The following UTRN variants were observed in gnomAD, a reference collection of about 807,000 sequenced individuals.
UTRN encodes dystrophin-related protein 1.
In UTRN, 283 loss-of-function variants were observed where a neutral mutation model predicts 463.9. The ratio of observed to expected loss-of-function variants is 0.61; its 90% CI spans 0.55 to 0.67. The LOEUF (loss-of-function observed/expected upper bound fraction) is 0.67, where lower values mean the gene tolerates loss of function less well. Among genes scored for constraint, UTRN ranks in the 30% least tolerant of loss-of-function variants. The pLI, the probability that UTRN is intolerant of heterozygous loss-of-function variation, is 0.00. For synonymous variants in UTRN, 1,442 were observed against 1,431.5 expected (o/e 1.01, Z -0.17); for missense variants, 3,922 against 4,084.3 (o/e 0.96, Z 1.08).
At chr6:144,670,891 G>A (rs1218731834) in intron 51 of UTRN, among the ~76,000 whole-genome samples, 1 of 152,014 alleles carries the variant, frequency 6.6e-6, no homozygotes, top group East Asian at 1.9e-4. Context: ...GTTGAATAGA[G>A]TAACTTTCCC....
Position 144,851,085 on chromosome 6 carries a change from C to A in UTRN, c.*88C>A. 1 of 1,561,700 alleles carries A rather than the reference C, an allele frequency of 6.4e-7. No individual in the cohort carries two copies. Among genetic ancestry groups the A allele is most frequent in the Non-Finnish European group, 8.8e-7 (1 of 1,132,562 alleles). On this transcript the variant is annotated 3_prime_UTR_variant, in exon 75 of 75. Transcript: ENST00000367545. ...ATTCCAAGTTCCATTAAATCAGAAG[C>A]TCCATGGCTCCTTGGCCCACGATGT...
intron 69 of UTRN, among the ~76,000 whole-genome samples, chr6:144,830,857 T>A (rs558023549): frequency 6.6e-6 from 1 of 152,318 alleles, no homozygotes; most frequent in Non-Finnish European, 1.5e-5. Flanking sequence ...CCTGATTCAT[T>A]ATCTCTGTCA....
chr6:144,552,277 G>A (rs769882038), intron 48 of UTRN, among the ~76,000 whole-genome samples: 2 of 152,190 alleles, frequency 1.3e-5, no homozygotes, highest in Non-Finnish European at 2.9e-5. Flanking sequence ...AACTTTTAAT[G>A]TCTAACAGTG....
chr6:144,444,232 ACTCT>A, intron 13 of UTRN, 45 bp from the exon 14 acceptor site: 1 of 1,407,130 alleles, frequency 7.1e-7, no homozygotes, highest in Non-Finnish European at 9.8e-7. Flanking sequence ...GATTGTGATA[ACTCT>A]CTCTTAAGGC....
chr6:144,546,582 C>T (rs1585209883), intron 46 of UTRN, among the ~76,000 whole-genome samples: 1 of 152,248 alleles, frequency 6.6e-6, no homozygotes, highest in East Asian at 1.9e-4. Flanking sequence ...AGGAGGATCA[C>T]TTGAGCCCAG....
At chr6:144,408,313 G>A (rs1475751836) in intron 3 of UTRN, among the ~76,000 whole-genome samples, 1 of 152,166 alleles carries the variant, frequency 6.6e-6, no homozygotes, top group African/African-American at 2.4e-5. Context: ...CTTGTTAGCC[G>A]GCCGGTCTCC....
chr6:144,400,465 G>A (rs1782843778), intron 2 of UTRN, among the ~76,000 whole-genome samples: 1 of 152,086 alleles, frequency 6.6e-6, no homozygotes, highest in African/African-American at 2.4e-5. Flanking sequence ...CGAGATCTGG[G>A]CCAAGATTGT....
At chr6:144,693,811 C>A (rs1783684204) in intron 52 of UTRN, among the ~76,000 whole-genome samples, 1 of 152,154 alleles carries the variant, frequency 6.6e-6, no homozygotes. Flanking sequence ...ATAAAGTTTT[C>A]TGGATATAGA....
At chr6:144,300,678 G>A (rs1805160860) in intron 2 of UTRN, among the ~76,000 whole-genome samples, 1 of 152,188 alleles carries the variant, frequency 6.6e-6, no homozygotes, top group African/African-American at 2.4e-5. Flanking sequence ...GCAGTTTTAA[G>A]ATTAAGGATC....
chr6:144,797,070 T>A (rs1777286395), intron 63 of UTRN, among the ~76,000 whole-genome samples: 1 of 152,172 alleles, frequency 6.6e-6, no homozygotes, highest in Admixed American at 6.5e-5. Context: ...TGTGTGATGA[T>A]ATAATGGGAC....
At chr6:144,678,602 A>T (rs1781887039) in intron 52 of UTRN, 24 bp downstream of exon 52, 6 of 1,566,370 alleles carry the variant, frequency 3.8e-6, no homozygotes, top group Non-Finnish European at 5.2e-6. Context: ...ATATCAAAAT[A>T]AAAATAATGG....
Position 144,785,960 on chromosome 6 carries a change from GT to G in UTRN, c.8835-3227del, listed in dbSNP as rs948383566. Among the ~76,000 whole-genome samples the G allele has an allele frequency of 3.3e-5, 5 of 152,048 alleles. No homozygotes were observed. In the East Asian group the frequency reaches 9.6e-4, roughly 29 times the overall value. Reference sequence around the variant, plus strand: ...AGTCTGTAGTACTTGGTTTAAATGTGTTTTTTTCTACCAAAAATATTAACCT... The same window carrying G: ...AGTCTGTAGTACTTGGTTTAAATGTGTTTTTTCTACCAAAAATATTAACCT... On this transcript the variant is annotated intron_variant, in intron 61 of 74. Transcript: ENST00000367545.
intron 61 of UTRN, among the ~76,000 whole-genome samples, chr6:144,782,800 T>C (rs551308976): frequency 6.6e-6 from 1 of 152,272 alleles, no homozygotes; most frequent in Admixed American, 6.5e-5. Context: ...ATTTGTGAAA[T>C]AGTCAGTTCT....
chr6:144,816,464 T>G (rs1779086163), intron 65 of UTRN, among the ~76,000 whole-genome samples: 1 of 141,592 alleles, frequency 7.1e-6, no homozygotes, highest in Admixed American at 7.8e-5. Context: ...TGATAATATT[T>G]CATTAAGCCA....
At chr6:144,599,316 T>C (rs1362405711) in intron 51 of UTRN, among the ~76,000 whole-genome samples, 2 of 152,136 alleles carry the variant, frequency 1.3e-5, no homozygotes, top group African/African-American at 2.4e-5. Flanking sequence ...TTATTTTATA[T>C]TGAAAAAATC....
intron 50 of UTRN, among the ~76,000 whole-genome samples, chr6:144,571,602 TC>T (rs1340259259): frequency 6.6e-6 from 1 of 152,192 alleles, no homozygotes; most frequent in Admixed American, 6.6e-5. Context: ...ACTGTTCTTT[TC>T]CCTGCTTCGC....
At chr6:144,443,791 A>T (rs1207227323) in intron 13 of UTRN, among the ~76,000 whole-genome samples, 1 of 152,096 alleles carries the variant, frequency 6.6e-6, no homozygotes, top group African/African-American at 2.4e-5. Context: ...TCTCTTATTC[A>T]AAACAGGTTT....
intron 65 of UTRN, among the ~76,000 whole-genome samples, chr6:144,815,664 C>T (rs1380676723): frequency 2.6e-5 from 4 of 152,216 alleles, no homozygotes; most frequent in African/African-American, 9.6e-5. Flanking sequence ...CAAGTCTGCT[C>T]TTCCATCTTC....
chr6:144,796,535 GT>G lies in UTRN; in HGVS notation c.9079-1281del, dbSNP rs1236387809. Among the ~76,000 whole-genome samples, 26 of 151,976 alleles carry G rather than the reference GT, an allele frequency of 1.7e-4. No homozygotes were observed. The East Asian group carries it at 2.5e-3, about 15-fold the overall frequency. Reference sequence around the variant, plus strand: ...CATTAAAGATGTTATTAAAGTATCAGTTTTTTTTCTTTGAGACTATGCATAC... The same window carrying G: ...CATTAAAGATGTTATTAAAGTATCAGTTTTTTTCTTTGAGACTATGCATAC... On this transcript the variant is annotated intron_variant, in intron 63 of 74. Transcript: ENST00000367545.
Sources: gnomAD v4.1 joint callset for allele counts (sites outside exome capture counted in the v4.1 genomes callset) on GRCh38, gnomAD v4.1.1 for gene constraint, MANE v1.5 for transcripts, NCBI Gene and HGNC (gene_info 2026-07-23, HGNC 2026-07-21) for gene names.